MYCBPAP: variants seen among roughly 807,000 people sequenced by gnomAD.
MYCBPAP encodes MYCBP-associated protein.
MYCBPAP carries 60 observed loss-of-function variants against 106.1 expected under a neutral mutation model. That is an observed-to-expected ratio of 0.57 (90% CI 0.46 to 0.70). MYCBPAP has a LOEUF of 0.70. MYCBPAP is among the 30% of genes least tolerant of loss of function. The probability of loss-of-function intolerance (pLI) is 0.00; values close to 1 mark genes in which losing one functional copy is unlikely to be tolerated. For synonymous variants in MYCBPAP, 407 were observed against 440.6 expected, an observed-to-expected ratio of 0.92 and a Z score of 0.95; for missense variants, 1,064 against 1,169.3, an observed-to-expected ratio of 0.91 and a Z score of 1.31.
At chr17:50,513,322 G>A (rs910530223) in intron 1 of MYCBPAP, among the ~76,000 whole-genome samples, 8 of 151,844 alleles carry the variant, frequency 5.3e-5, no homozygotes, top group Non-Finnish European at 8.8e-5. Context: ...GGGAGGCGGA[G>A]GTTGCAGTGA....
At chr17:50,514,245 A>T (rs1362888876) in intron 1 of MYCBPAP, among the ~76,000 whole-genome samples, 4 of 152,118 alleles carry the variant, frequency 2.6e-5, no homozygotes, top group Admixed American at 2.6e-4. Context: ...TTTTTTGGCC[A>T]CCAACTCTAT....
intron 1 of MYCBPAP, among the ~76,000 whole-genome samples, chr17:50,514,565 T>C (rs906318858): frequency 4.6e-5 from 7 of 152,172 alleles, no homozygotes; most frequent in African/African-American, 1.7e-4. Flanking sequence ...GAGAGTGACC[T>C]GTGACCCCCT....
At chr17:50,525,831 G>A (rs1201425545) in intron 13 of MYCBPAP, 50 bp from the exon 14 acceptor site, 2 of 1,528,648 alleles carry the variant, frequency 1.3e-6, no homozygotes, top group Non-Finnish European at 1.7e-6. Context: ...AAGAAACTGG[G>A]GCCTGCACCC....
chr17:50,529,864 GTTC>G, intron 18 of MYCBPAP: 1 of 454,680 alleles, frequency 2.2e-6, no homozygotes, highest in Non-Finnish European at 4.4e-6. Flanking sequence ...ATCCTAATCC[GTTC>G]TTAAGTAGCA....
At chr17:50,518,413 G>T in intron 4 of MYCBPAP, 128 bp from the exon 5 acceptor site, 1 of 719,172 alleles carries the variant, frequency 1.4e-6, no homozygotes, top group Non-Finnish European at 2.2e-6. Context: ...GGCTACTCTG[G>T]AGTCCTGAAG....
chr17:50,522,709 A>AAAAAAAAATATATATATATATAT, intron 10 of MYCBPAP: 6 of 50,018 alleles, frequency 1.2e-4, no homozygotes, highest in African/African-American at 6.0e-4. Flanking sequence ...AAAAAAAAAA[A>AAAAAAAAATATATATATATATAT]ATATATATAT....
chr17:50,516,504 T>C lies in MYCBPAP; in HGVS notation c.77-66T>C. The stretch of plus-strand genomic sequence containing the variant: ...GTATATATTTTTACTTTTATTTTTG[T>C]ATGTATATATTGATATATACAGAAG... On this transcript the variant is annotated intron_variant, in intron 1 of 18. Transcript: ENST00000323776. 7 of 1,536,476 alleles carry C rather than the reference T, an allele frequency of 4.6e-6. No individual in the cohort carries two copies. The South Asian group carries it at 8.6e-5, about 19-fold the overall frequency.
In MYCBPAP at chr17:50,525,011, C is replaced by T. The variant is rs769016111; in HGVS notation, c.1770C>T (p.His590=). ...AYLTEEDLFR[H]RNPPLHYEHQ... ...TCACCGAGGAAGACTTGTTCCGGCA[C>T]AGAAATCCTCCGGTGAGGCCCAGCG... Residue 590 remains histidine, a synonymous_variant, in exon 13 of 19, where the codon CAC becomes CAT. Transcript: ENST00000323776. 1 of 1,613,036 alleles carries T rather than the reference C, an allele frequency of 6.2e-7. No individual in the cohort carries two copies. The highest frequency in any genetic ancestry group is 1.7e-5 in the Admixed American group (1 of 60,004).
chr17:50,529,030 A>G lies in MYCBPAP; in HGVS notation c.2566A>G (p.Ser856Gly), dbSNP rs1342838739. 6.2e-7 allele frequency: 1 copy of G among 1,614,074 alleles called. No individual in the cohort carries two copies. ...KLLGKEDRPN[S>G]KKHKAKDDKK... is the part of the protein sequence containing the mutation. ...CCTCCCCCAGCAGGACCGTCCCAAC[A>G]GCAAGAAGCACAAGGCAAAGGATGA... The change falls in exon 18 of 19, where the codon AGC (serine) becomes GGC (glycine). Residue 856 changes from serine to glycine, a missense_variant. Ser to Gly is a moderately conservative substitution (Grantham distance 56). Coordinates refer to ENST00000323776, the MANE Select transcript of MYCBPAP (RefSeq NM_032133.6).
rs2034453632 is a variant in MYCBPAP, at chr17:50,526,173, AG to A, written c.2077del (p.Glu693LysfsTer33). The A allele has an allele frequency of 6.2e-7, 1 of 1,613,438 alleles. No homozygotes were observed. The highest frequency in any genetic ancestry group is 8.5e-7 in the Non-Finnish European group (1 of 1,179,920). The part of the protein sequence containing the change: ...RKSIMEEILV[E>X]ESPDVDSTKS... ...AGCATCATGGAGGAGATCCTGGTGG[AG>A]GAAAGCCCAGATGTGGACAGCACCA... On this transcript the variant is annotated frameshift_variant, in exon 14 of 19. Coordinates refer to ENST00000323776, the MANE Select transcript of MYCBPAP (RefSeq NM_032133.6). LOFTEE classifies it high-confidence loss of function.
rs754306740 is a variant in MYCBPAP at position 50,524,901 on chromosome 17, G to A, written c.1660G>A (p.Val554Ile). 1.6e-5 allele frequency: 26 copies of A among 1,613,840 alleles called. No individual in the cohort carries two copies. Among genetic ancestry groups the A allele is most frequent in the Non-Finnish European group, 2.0e-5 (24 of 1,180,016 alleles). Reference sequence around the variant, plus strand: ...GAGCAAGCTGACTGCCCATGAGGCAGTCACCGTCGTTCGCGAAGTGCTGCA... The same window carrying A: ...GAGCAAGCTGACTGCCCATGAGGCAATCACCGTCGTTCGCGAAGTGCTGCA... ...LESKLTAHEA[V>I]TVVREVLQEL... The change falls in exon 13 of 19, where the codon GTC becomes ATC. Residue 554 changes from valine (V) to isoleucine (I), a missense_variant. Val to Ile is a conservative substitution (Grantham distance 29). Transcript: ENST00000323776.
At chr17:50,513,412 C>A (rs1304763033) in intron 1 of MYCBPAP, among the ~76,000 whole-genome samples, 3 of 151,976 alleles carry the variant, frequency 2.0e-5, no homozygotes, top group Non-Finnish European at 2.9e-5. Flanking sequence ...ATGTATATAT[C>A]ATTTTAATGA....
Position 50,530,816 on chromosome 17 carries a change from C to G in MYCBPAP, c.2725-511C>G, listed in dbSNP as rs530628289. Among the ~76,000 whole-genome samples, 17 of 152,188 alleles carry G rather than the reference C, an allele frequency of 1.1e-4. No homozygotes were observed. In the East Asian group the frequency reaches 3.3e-3, roughly 30 times the overall value. ...TAAATGGGCACCGCTCCATGGGCTC[C>G]CTGGAGTTGCCCCTTGAACAACTTA... On this transcript the variant is annotated intron_variant, in intron 18 of 18. Coordinates refer to ENST00000323776, the MANE Select transcript of MYCBPAP (RefSeq NM_032133.6).
intron 1 of MYCBPAP, among the ~76,000 whole-genome samples, chr17:50,515,476 T>C (rs551123691): frequency 3.3e-5 from 5 of 152,342 alleles, no homozygotes; most frequent in South Asian, 4.1e-4. Flanking sequence ...TTAACCAGTG[T>C]CTTGTGAAAC....
chr17:50,529,706 G>A (rs917323817), intron 18 of MYCBPAP: 17 of 454,626 alleles, frequency 3.7e-5, no homozygotes, highest in African/African-American at 3.0e-4. Flanking sequence ...GCCCTTTGGA[G>A]AACAGACTCT....
intron 10 of MYCBPAP, 121 bp from the exon 11 acceptor site, chr17:50,522,818 G>T: frequency 1.1e-6 from 1 of 922,084 alleles, no homozygotes; most frequent in East Asian, 2.6e-5. Context: ...GCCAAGCCCT[G>T]GAGGCCTGGG....
At chr17:50,528,870 G>C in intron 17 of MYCBPAP, 30 bp downstream of exon 17, 2 of 1,610,380 alleles carry the variant, frequency 1.2e-6, no homozygotes, top group Non-Finnish European at 1.7e-6. Flanking sequence ...GGGCCAGGTG[G>C]GGCTGGGGAG....
At chr17:50,523,256 C>A in intron 11 of MYCBPAP, 128 bp downstream of exon 11, 2 of 926,942 alleles carry the variant, frequency 2.2e-6, no homozygotes, top group African/African-American at 3.3e-5. Context: ...CCTTGTCCCT[C>A]TCATTCCTTC....
rs2034359132 is a variant in MYCBPAP at position 50,523,709 on chromosome 17, T to G, written c.1560T>G (p.Gly520=). Residue 520 remains glycine, a synonymous_variant, in exon 12 of 19, where the codon GGT becomes GGG. Coordinates refer to ENST00000323776, the MANE Select transcript of MYCBPAP (RefSeq NM_032133.6). The part of the protein sequence containing the change: ...EFRTHPTLLG[G]AILQVNLHAV... ...GAACCCATCCTACTCTATTAGGAGG[T>G]GCTATACTGCAGGTCAATCTCCACG... is the stretch of plus-strand genomic sequence containing the variant. 2 of 1,613,926 alleles carry G rather than the reference T, an allele frequency of 1.2e-6. No homozygotes were observed. The highest frequency in any genetic ancestry group is 1.7e-6 in the Non-Finnish European group (2 of 1,180,028).
Sources: gnomAD v4.1 joint callset for allele counts (sites outside exome capture counted in the v4.1 genomes callset) on GRCh38, gnomAD v4.1.1 for gene constraint, MANE v1.5 for transcripts, NCBI Gene and HGNC (gene_info 2026-07-23, HGNC 2026-07-21) for gene names.